GART: variants seen among roughly 807,000 people sequenced by gnomAD.
GART encodes the protein phosphoribosylglycinamide formyltransferase, phosphoribosylglycinamide synthetase, phosphoribosylaminoimidazole synthetase.
GART carries 43 observed loss-of-function variants against 107.2 expected under a neutral mutation model. That is an observed-to-expected ratio of 0.40 (90% CI 0.31 to 0.52). The LOEUF (loss-of-function observed/expected upper bound fraction) is 0.52. Among genes scored for constraint, GART ranks in the 20% least tolerant of loss-of-function variants. GART has a pLI of 0.52. For missense variants in GART, 1,107 were observed against 1,206.5 expected, an observed-to-expected ratio of 0.92 and a Z score of 1.22; for synonymous variants, 434 against 427.0, an observed-to-expected ratio of 1.02 and a Z score of -0.20.
chr21:33,510,214 A>C, intron 17 of GART: 5 of 250,450 alleles, frequency 2.0e-5, no homozygotes, highest in Non-Finnish European at 3.8e-5. Context: ...TACTCCCCAA[A>C]TCTTCCTAGC....
At chr21:33,525,070 A>C in intron 10 of GART, 70 bp from the exon 11 acceptor site, 2 of 1,493,882 alleles carry the variant, frequency 1.3e-6, no homozygotes, top group Non-Finnish European at 1.8e-6. Context: ...GTGATTTACG[A>C]TTTCCACAAG....
intron 1 of GART, 36 bp downstream of exon 1, chr21:33,542,029 G>A (rs1339760199): frequency 6.6e-6 from 1 of 152,200 alleles, no homozygotes; most frequent in Non-Finnish European, 1.5e-5. Context: ...CAAAGCCTAA[G>A]CGCGCTCCGT....
At position 33,524,937 on chromosome 21, in the gene GART, C is replaced by T; in HGVS notation, c.1130G>A (p.Gly377Asp). The change falls in exon 11 of 22, where the codon GGC becomes GAC. Residue 377 changes from glycine (G) to aspartate (D), a missense_variant. Coordinates refer to ENST00000381815, the MANE Select transcript of GART (RefSeq NM_000819.5). The stretch of plus-strand genomic sequence containing the variant: ...TCTACCCCCATGAGTTACTACTTTG[C>T]CATTTTTGAGGGCAGTGCCTGCATG... ...VFHAGTALKN[G>D]KVVTHGGRVL... The T allele has an allele frequency of 3.1e-6, 5 of 1,614,166 alleles. No individual in the cohort carries two copies. Among genetic ancestry groups the T allele is most frequent in the Non-Finnish European group, 4.2e-6 (5 of 1,180,036 alleles).
At chr21:33,523,312 C>G (rs1336213328) in intron 11 of GART, among the ~76,000 whole-genome samples, 1 of 152,204 alleles carries the variant, frequency 6.6e-6, no homozygotes, top group Non-Finnish European at 1.5e-5. Context: ...GCCAGCAGCT[C>G]TGGGTCACTC....
intron 5 of GART, 170 bp from the exon 6 acceptor site, chr21:33,531,727 T>C (rs1331990981): frequency 1.7e-6 from 1 of 601,960 alleles, no homozygotes; most frequent in Non-Finnish European, 2.9e-6. Context: ...ATGTTTCCTA[T>C]TTTTAATGTG....
chr21:33,535,131 C>T, intron 3 of GART, 94 bp downstream of exon 3: 1 of 800,402 alleles, frequency 1.2e-6, no homozygotes, highest in Admixed American at 2.9e-5. Flanking sequence ...GATAATATTA[C>T]AAATTCTCAT....
At chr21:33,538,929 C>T (rs1385195959) in intron 2 of GART, among the ~76,000 whole-genome samples, 7 of 152,054 alleles carry the variant, frequency 4.6e-5, no homozygotes, top group African/African-American at 1.7e-4. Context: ...TACAGGCACC[C>T]GCCACCACGC....
chr21:33,518,994 G>T, intron 14 of GART: 1 of 307,866 alleles, frequency 3.2e-6, no homozygotes, highest in South Asian at 3.1e-5. Flanking sequence ...TTCAATACCA[G>T]AGATATTGTT....
chr21:33,522,432 T>C, intron 11 of GART, 150 bp from the exon 12 acceptor site: 1 of 616,518 alleles, frequency 1.6e-6, no homozygotes, highest in African/African-American at 1.8e-5. Flanking sequence ...GCCACATCTA[T>C]ACAGATTCTG....
Position 33,539,152 on chromosome 21 carries a change from C to T in GART, c.145+19G>A, listed in dbSNP as rs1264971654. The T allele has an allele frequency of 6.2e-7, 1 of 1,604,938 alleles. No homozygotes were observed. The highest frequency in any genetic ancestry group is 1.3e-5 in the African/African-American group (1 of 74,300). Reference sequence around the variant, plus strand: ...ATAACAAATAATAACTATTACTCCCCACTTTAAAACATGATTACCGGTATT... The same window carrying T: ...ATAACAAATAATAACTATTACTCCCTACTTTAAAACATGATTACCGGTATT... On this transcript the variant is annotated intron_variant, in intron 2 of 21. Coordinates refer to ENST00000381815, the MANE Select transcript of GART (RefSeq NM_000819.5).
At chr21:33,520,291 G>C in intron 14 of GART, 73 bp downstream of exon 14, 1 of 1,325,962 alleles carries the variant, frequency 7.5e-7, no homozygotes, top group South Asian at 1.2e-5. Flanking sequence ...CATTGGCACT[G>C]ATCACATTTT....
intron 17 of GART, among the ~76,000 whole-genome samples, chr21:33,510,927 G>C (rs527571753): frequency 6.6e-6 from 1 of 152,268 alleles, no homozygotes; most frequent in African/African-American, 2.4e-5. Flanking sequence ...GACTGATACA[G>C]TACTTGTCAG....
At chr21:33,535,440 G>C in intron 2 of GART, 120 bp from the exon 3 acceptor site, 1 of 566,414 alleles carries the variant, frequency 1.8e-6, no homozygotes, top group South Asian at 3.2e-5. Context: ...TTATCTGTTG[G>C]TTTTCTTATA....
At chr21:33,526,278 C>T (rs2085072174) in intron 10 of GART, among the ~76,000 whole-genome samples, 1 of 152,150 alleles carries the variant, frequency 6.6e-6, no homozygotes, top group African/African-American at 2.4e-5. Context: ...TCAAGCCATC[C>T]TGCCACCTCA....
intron 4 of GART, among the ~76,000 whole-genome samples, chr21:33,532,801 G>A (rs763862880): frequency 6.6e-6 from 1 of 152,102 alleles, no homozygotes; most frequent in Non-Finnish European, 1.5e-5. Context: ...TAGAAAATGC[G>A]GCTGTATAAC....
At chr21:33,507,319 CT>C (rs1387058378) in intron 18 of GART, among the ~76,000 whole-genome samples, 2 of 152,140 alleles carry the variant, frequency 1.3e-5, no homozygotes, top group Non-Finnish European at 2.9e-5. Context: ...CTCACATGTT[CT>C]CACTTATTTG....
intron 3 of GART, 72 bp from the exon 4 acceptor site, chr21:33,534,825 G>C: frequency 1.5e-6 from 2 of 1,330,130 alleles, no homozygotes; most frequent in Non-Finnish European, 2.0e-6. Context: ...AGACGAATTA[G>C]TATCAGACTA....
intron 16 of GART, among the ~76,000 whole-genome samples, 175 bp from the exon 17 acceptor site, chr21:33,511,633 C>G (rs2084787706): frequency 6.6e-6 from 1 of 152,152 alleles, no homozygotes; most frequent in Non-Finnish European, 1.5e-5. Context: ...GTACCTTAGA[C>G]ATTAAGAACA....
At chr21:33,520,638 C>T in intron 13 of GART, 76 bp from the exon 14 acceptor site, 5 of 1,293,696 alleles carry the variant, frequency 3.9e-6, no homozygotes, top group Non-Finnish European at 5.4e-6. Flanking sequence ...ATTAGCTGCT[C>T]TTAACACCTA....
Sources: gnomAD v4.1 joint callset for allele counts (sites outside exome capture counted in the v4.1 genomes callset) on GRCh38, gnomAD v4.1.1 for gene constraint, MANE v1.5 for transcripts, NCBI Gene and HGNC (gene_info 2026-07-23, HGNC 2026-07-21) for gene names.